Variants in ATAD1 observed in about 807,000 individuals in gnomAD.
ATAD1 encodes outer mitochondrial transmembrane helix translocase.
A neutral mutation model predicts 42.7 loss-of-function variants in ATAD1; 18 were observed. That is an observed-to-expected ratio of 0.42 (90% CI 0.29 to 0.63). The LOEUF is 0.63. Ranked by LOEUF, ATAD1 falls within the 20% of genes least tolerant of loss-of-function variation. The pLI, the probability that ATAD1 is intolerant of heterozygous loss-of-function variation, is 0.19. For missense variants in ATAD1, 294 were observed against 440.4 expected (o/e 0.67, Z 2.98); for synonymous variants, 132 against 143.1 (o/e 0.92, Z 0.55).
In ATAD1 at chr10:87,810,964, A is replaced by G. The variant is rs190666749; in HGVS notation, c.162+3474T>C. Among the ~76,000 whole-genome samples, 304 of 152,270 alleles carry G rather than the reference A, an allele frequency of 2.0e-3. 1 individual carries two copies. Among genetic ancestry groups the G allele is most frequent in the African/African-American group, 4.6e-3 (190 of 41,566 alleles). Reference sequence around the variant, plus strand: ...AAGGTAAAGGCTGGCAATCAAGCTCACCTTAGCTTTCTGAAATTTTTGCCT... The same window carrying G: ...AAGGTAAAGGCTGGCAATCAAGCTCGCCTTAGCTTTCTGAAATTTTTGCCT... On this transcript the variant is annotated intron_variant, in intron 2 of 9. Coordinates refer to ENST00000680024, the MANE Select transcript of ATAD1 (RefSeq NM_001321967.2).
intron 2 of ATAD1, among the ~76,000 whole-genome samples, chr10:87,810,141 CATT>C (rs1425394499): frequency 2.0e-5 from 3 of 151,972 alleles, no homozygotes; most frequent in African/African-American, 7.3e-5. Context: ...CCATTCATTT[CATT>C]ATTATGTGCT....
chr10:87,799,842 A>G (rs532510465), intron 2 of ATAD1, among the ~76,000 whole-genome samples: 229 of 151,914 alleles, frequency 1.5e-3, no homozygotes, highest in African/African-American at 5.2e-3. Context: ...GTCTAATTCA[A>G]TGCTTATTTA....
intron 1 of ATAD1, among the ~76,000 whole-genome samples, chr10:87,840,538 C>T (rs1040145622): frequency 1.3e-5 from 2 of 152,082 alleles, no homozygotes; most frequent in African/African-American, 2.4e-5. Flanking sequence ...GAAAGAGAAA[C>T]GTTAGTTTCT....
intron 1 of ATAD1, among the ~76,000 whole-genome samples, chr10:87,816,510 A>G (rs1430988548): frequency 6.6e-6 from 1 of 152,186 alleles, no homozygotes; most frequent in Non-Finnish European, 1.5e-5. Flanking sequence ...TGGATATACA[A>G]TAATTGTTAA....
intron 1 of ATAD1, among the ~76,000 whole-genome samples, chr10:87,816,287 T>G (rs1470726962): frequency 6.6e-6 from 1 of 152,180 alleles, no homozygotes; most frequent in Non-Finnish European, 1.5e-5. Flanking sequence ...ATTCAATCAT[T>G]GCAACAGTCA....
At chr10:87,764,834 G>GT (rs1854659553) in intron 8 of ATAD1, among the ~76,000 whole-genome samples, 1 of 151,512 alleles carries the variant, frequency 6.6e-6, no homozygotes, top group Admixed American at 6.6e-5. Context: ...TTGGGTGTGT[G>GT]GGGGGGAAGC....
chr10:87,832,395 G>GAA (rs11339550), intron 1 of ATAD1: 7 of 143,030 alleles, frequency 4.9e-5, no homozygotes, highest in Non-Finnish European at 1.1e-4. Flanking sequence ...TCCTATCTCA[G>GAA]AAAAAAAAAA....
intron 2 of ATAD1, among the ~76,000 whole-genome samples, chr10:87,813,209 A>T (rs549837264): frequency 1.8e-4 from 27 of 152,310 alleles, no homozygotes; most frequent in African/African-American, 6.3e-4. Flanking sequence ...TATCTTTAAA[A>T]GTCACACCTC....
chr10:87,759,353 T>C (rs934385146), intron 8 of ATAD1, among the ~76,000 whole-genome samples: 5 of 151,858 alleles, frequency 3.3e-5, no homozygotes, highest in African/African-American at 1.2e-4. Context: ...CTGTACTTAA[T>C]TAAAAAAAAA....
At chr10:87,775,827 T>C (rs1855279427) in intron 6 of ATAD1, among the ~76,000 whole-genome samples, 1 of 152,156 alleles carries the variant, frequency 6.6e-6, no homozygotes, top group Non-Finnish European at 1.5e-5. Context: ...ATCCTAAAGA[T>C]AGGCATAGGT....
intron 2 of ATAD1, among the ~76,000 whole-genome samples, chr10:87,794,113 T>C (rs1856263498): frequency 6.6e-6 from 1 of 152,090 alleles, no homozygotes; most frequent in South Asian, 2.1e-4. Context: ...CTAGATACTC[T>C]GGAGGCTGAG....
At chr10:87,821,955 C>T (rs1295317612), upstream of ATAD1, among the ~76,000 whole-genome samples, 1 of 152,148 alleles carries the variant, frequency 6.6e-6, no homozygotes, top group Non-Finnish European at 1.5e-5. Context: ...ACTACCTTAG[C>T]CTAAAAGGCC....
intron 8 of ATAD1, 25 bp from the exon 9 acceptor site, chr10:87,756,947 T>TA: frequency 6.4e-7 from 1 of 1,560,214 alleles, no homozygotes; most frequent in South Asian, 1.2e-5. Flanking sequence ...AAAACATGCT[T>TA]AAAAAACAAA....
chr10:87,777,242 T>C (rs1433874765), intron 5 of ATAD1, among the ~76,000 whole-genome samples: 5 of 152,170 alleles, frequency 3.3e-5, no homozygotes, highest in Non-Finnish European at 5.9e-5. Flanking sequence ...CTTAGTTATG[T>C]TGCATACTTT....
chr10:87,781,102 CT>C (rs1430995854), intron 5 of ATAD1, among the ~76,000 whole-genome samples: 1 of 151,982 alleles, frequency 6.6e-6, no homozygotes, highest in Non-Finnish European at 1.5e-5. Context: ...TCTGGATCTT[CT>C]TAGGCAAAAA....
chr10:87,781,721 TATC>T (rs998930048), intron 5 of ATAD1, among the ~76,000 whole-genome samples: 12 of 152,016 alleles, frequency 7.9e-5, no homozygotes, highest in African/African-American at 2.9e-4. Context: ...GCTCACTGAA[TATC>T]CTCAATCTCC....
chr10:87,797,503 C>T (rs1209101835), intron 2 of ATAD1, among the ~76,000 whole-genome samples: 2 of 152,134 alleles, frequency 1.3e-5, no homozygotes, highest in Non-Finnish European at 2.9e-5. Flanking sequence ...TAAAAGAATT[C>T]AGAACAAAGA....
At chr10:87,767,363 A>G (rs1253553964) in intron 8 of ATAD1, among the ~76,000 whole-genome samples, 1 of 152,182 alleles carries the variant, frequency 6.6e-6, no homozygotes, top group Non-Finnish European at 1.5e-5. Flanking sequence ...CAAGTGCATT[A>G]CATTTATCAT....
chr10:87,835,631 G>T (rs1432041986), intron 1 of ATAD1, among the ~76,000 whole-genome samples: 2 of 151,956 alleles, frequency 1.3e-5, no homozygotes, highest in Admixed American at 6.6e-5. Context: ...GGCATATTTA[G>T]GTGTTTTTCC....
Sources: allele counts gnomAD v4.1 joint callset (sites outside exome capture counted in the v4.1 genomes callset), GRCh38; gene constraint gnomAD v4.1.1; transcripts MANE v1.5; gene names NCBI Gene and HGNC (gene_info 2026-07-23, HGNC 2026-07-21).